The following PRTFDC1 variants were observed in gnomAD, a reference collection of about 807,000 sequenced individuals.
PRTFDC1 encodes the protein phosphoribosyl transferase domain containing 1.
Under a neutral mutation model 34.6 loss-of-function variants are expected in PRTFDC1, and 38 were observed. That is an observed-to-expected ratio of 1.10 (90% CI 0.85 to 1.44). The LOEUF (loss-of-function observed/expected upper bound fraction) is 1.44, where lower values mean the gene tolerates loss of function less well. Among genes scored for constraint, PRTFDC1 ranks in the 40% most tolerant of loss-of-function variants. PRTFDC1 has a pLI of 0.00. For synonymous variants in PRTFDC1, 93 were observed against 98.1 expected, an observed-to-expected ratio of 0.95 and a Z score of 0.31; for missense variants, 270 against 283.0, an observed-to-expected ratio of 0.95 and a Z score of 0.33.
At chr10:24,944,774 C>T (rs1456875629) in intron 1 of PRTFDC1, among the ~76,000 whole-genome samples, 1 of 152,106 alleles carries the variant, frequency 6.6e-6, no homozygotes, top group East Asian at 1.9e-4. Flanking sequence ...CAGAGCAAGA[C>T]CTTGTCTCTC....
At chr10:24,877,898 T>G (rs1352347896) in intron 3 of PRTFDC1, among the ~76,000 whole-genome samples, 1 of 151,910 alleles carries the variant, frequency 6.6e-6, no homozygotes, top group African/African-American at 2.4e-5. Context: ...TGGGATTACA[T>G]GCATGAGCCA....
rs181280101 is a variant in PRTFDC1 at position 24,908,374 on chromosome 10, G to C, written c.339+28810C>G. On this transcript the variant is annotated intron_variant, in intron 3 of 8. Coordinates refer to ENST00000320152, the MANE Select transcript of PRTFDC1 (RefSeq NM_020200.7). Reference sequence around the variant, plus strand: ...TGATATTTTTCATAACCTCAAGCAAGAAGAAATACATCATCCAGCAGACAC... The same window carrying C: ...TGATATTTTTCATAACCTCAAGCAACAAGAAATACATCATCCAGCAGACAC... The C allele has an allele frequency of 9.7e-5, 120 of 1,242,246 alleles. No homozygotes were observed. In the Middle Eastern group the frequency reaches 1.6e-3, roughly 17 times the overall value. 77.0% of individuals were successfully genotyped at this position (1,242,246 alleles called of 1,614,324 possible). A position where few individuals can be genotyped will look rare whatever the true frequency, so the allele number is the denominator to read the frequency against.
chr10:24,910,892 ATTTT>A (rs554253291), intron 3 of PRTFDC1, among the ~76,000 whole-genome samples: 1 of 141,118 alleles, frequency 7.1e-6, no homozygotes, highest in Admixed American at 7.1e-5. Flanking sequence ...GAGTTAGGTA[ATTTT>A]TTTTTTTTTT....
At chr10:24,886,255 G>A (rs969958658) in intron 3 of PRTFDC1, among the ~76,000 whole-genome samples, 2 of 152,158 alleles carry the variant, frequency 1.3e-5, no homozygotes, top group East Asian at 3.9e-4. Context: ...GTACCTCCCA[G>A]ACAGCTTTGC....
chr10:24,897,022 A>C (rs921472105), intron 3 of PRTFDC1, among the ~76,000 whole-genome samples: 2 of 152,076 alleles, frequency 1.3e-5, no homozygotes, highest in African/African-American at 4.8e-5. Flanking sequence ...CTAGCCTGGG[A>C]AACATGGCAA....
chr10:24,922,896 G>T (rs35261383), intron 3 of PRTFDC1, among the ~76,000 whole-genome samples: 23,273 of 152,194 alleles, frequency 0.15, 1,987 homozygotes, highest in East Asian at 0.28. Flanking sequence ...CTAGCCAAGG[G>T]AAGCTGTGAC....
rs1847441683 is a variant in PRTFDC1, at chr10:24,849,263, A to G, written c.*581T>C. The G allele has an allele frequency of 1.3e-5, 2 of 152,870 alleles. No individual in the cohort carries two copies. The highest frequency in any genetic ancestry group is 4.8e-5 in the African/African-American group (2 of 41,480). The allele number at this position is 152,870 out of a possible 1,614,324, so 9.5% of individuals were successfully genotyped here. ...TCATAACATCATTAAGATTCATTGT[A>G]CACTGCGTTTCAGAAAGGCTTTGTC... On this transcript the variant is annotated 3_prime_UTR_variant, in exon 9 of 9. Coordinates refer to ENST00000320152, the MANE Select transcript of PRTFDC1 (RefSeq NM_020200.7).
intron 3 of PRTFDC1, among the ~76,000 whole-genome samples, chr10:24,896,030 C>A (rs1848356448): frequency 6.6e-6 from 1 of 152,116 alleles, no homozygotes; most frequent in Non-Finnish European, 1.5e-5. Context: ...GGTGCTCCCA[C>A]CACACATGTA....
chr10:24,874,418 T>G (rs1847926749), intron 3 of PRTFDC1, among the ~76,000 whole-genome samples: 1 of 152,146 alleles, frequency 6.6e-6, no homozygotes, highest in Non-Finnish European at 1.5e-5. Context: ...CAGGAAGAAT[T>G]TCTGCACATT....
intron 3 of PRTFDC1, among the ~76,000 whole-genome samples, chr10:24,933,693 ATTTT>A (rs71399941): frequency 7.4e-6 from 1 of 136,022 alleles, no homozygotes; most frequent in Non-Finnish European, 1.6e-5. Context: ...GAGTTTGGCA[ATTTT>A]TTTTTTTTTT....
In PRTFDC1 at chr10:24,895,688, GATATATATATATATATATAT is replaced by G. The variant is rs762084915; in HGVS notation, c.340-23645_340-23626del. Among the ~76,000 whole-genome samples, 184 of 47,412 alleles carry G rather than the reference GATATATATATATATATATAT, an allele frequency of 3.9e-3. 1 individual carries two copies. Among genetic ancestry groups the G allele is most frequent in the Admixed American group, 6.1e-3 (24 of 3,940 alleles). The allele number at this position is 47,412 out of a possible 152,430, so 31.1% of individuals were successfully genotyped here. A position where few individuals can be genotyped will look rare whatever the true frequency, so the allele number is the denominator to read the frequency against. Reference sequence around the variant, plus strand: ...ACCTAGGAGGGCAAGAGCTGGGGTGGATATATATATATATATATATATATATATATATATATATATCTGTA... The same window carrying G: ...ACCTAGGAGGGCAAGAGCTGGGGTGGATATATATATATATATATATCTGTA... On this transcript the variant is annotated intron_variant, in intron 3 of 8. Coordinates refer to ENST00000320152, the MANE Select transcript of PRTFDC1 (RefSeq NM_020200.7).
chr10:24,916,405 A>G (rs1039323036), intron 3 of PRTFDC1, among the ~76,000 whole-genome samples: 1 of 152,218 alleles, frequency 6.6e-6, no homozygotes, highest in Non-Finnish European at 1.5e-5. Context: ...AAATCTTCCT[A>G]CTTACTCAGA....
At chr10:24,938,358 C>T (rs565106643) in intron 2 of PRTFDC1, among the ~76,000 whole-genome samples, 1 of 152,220 alleles carries the variant, frequency 6.6e-6, no homozygotes, top group Admixed American at 6.5e-5. Flanking sequence ...GGAAATCAAC[C>T]AAAGGCATAC....
chr10:24,857,716 G>A (rs1847606731), intron 5 of PRTFDC1, among the ~76,000 whole-genome samples: 1 of 151,878 alleles, frequency 6.6e-6, no homozygotes, highest in Admixed American at 6.6e-5. Context: ...GATGCACATG[G>A]CGCACACAGG....
At chr10:24,878,241 C>G (rs991558804) in intron 3 of PRTFDC1, among the ~76,000 whole-genome samples, 1 of 151,842 alleles carries the variant, frequency 6.6e-6, no homozygotes, top group Non-Finnish European at 1.5e-5. Context: ...CCACTGCACT[C>G]CAGCCTGGGC....
intron 3 of PRTFDC1, among the ~76,000 whole-genome samples, chr10:24,909,145 G>A (rs903543997): frequency 1.3e-5 from 2 of 152,150 alleles, no homozygotes; most frequent in Non-Finnish European, 2.9e-5. Flanking sequence ...CCCAGGCGTG[G>A]TGGTGTGTGT....
chr10:24,931,794 C>T (rs371220530), intron 3 of PRTFDC1, among the ~76,000 whole-genome samples: 56 of 151,138 alleles, frequency 3.7e-4, no homozygotes, highest in African/African-American at 1.2e-3. Context: ...ATACCAAAGA[C>T]GAATTAGTAC....
chr10:24,884,652 A>G (rs1848134103), intron 3 of PRTFDC1, among the ~76,000 whole-genome samples: 2 of 152,218 alleles, frequency 1.3e-5, no homozygotes, highest in Non-Finnish European at 2.9e-5. Context: ...GATTGAGCTA[A>G]TGGAATTATT....
At chr10:24,910,083 C>T (rs1168340529) in intron 3 of PRTFDC1, among the ~76,000 whole-genome samples, 1 of 152,030 alleles carries the variant, frequency 6.6e-6, no homozygotes. Context: ...ATCGCTTGAA[C>T]CCAGGAGGCA....
Sources: gnomAD v4.1 joint callset for allele counts (sites outside exome capture counted in the v4.1 genomes callset) on GRCh38, gnomAD v4.1.1 for gene constraint, MANE v1.5 for transcripts, NCBI Gene and HGNC (gene_info 2026-07-23, HGNC 2026-07-21) for gene names.